The following CLYBL variants were observed in gnomAD, a reference collection of about 807,000 sequenced individuals.
CLYBL encodes the protein citramalyl-CoA lyase, also known as citramalyl-CoA lyase, mitochondrial.
In CLYBL, 31 loss-of-function variants were observed where a neutral mutation model predicts 38.9. The ratio of observed to expected loss-of-function variants is 0.80; its 90% CI spans 0.60 to 1.08. The LOEUF (loss-of-function observed/expected upper bound fraction) is 1.08, where lower values mean the gene tolerates loss of function less well. CLYBL is among the 50% of genes least tolerant of loss of function. The pLI is 0.00. For missense variants in CLYBL, 434 were observed against 411.6 expected (o/e 1.05, Z -0.47); for synonymous variants, 171 against 158.6 (o/e 1.08, Z -0.59).
intron 1 of CLYBL, among the ~76,000 whole-genome samples, chr13:99,661,669 G>T (rs1392720879): frequency 2.0e-5 from 3 of 152,120 alleles, no homozygotes; most frequent in Non-Finnish European, 4.4e-5. Context: ...TACGGAAATA[G>T]ATTTCCTTTT....
At chr13:99,750,511 CA>C (rs1378982787) in intron 1 of CLYBL, among the ~76,000 whole-genome samples, 1 of 151,636 alleles carries the variant, frequency 6.6e-6, no homozygotes, top group Non-Finnish European at 1.5e-5. Context: ...CCGTCTCTAC[CA>C]AAAATTAAAA....
chr13:99,619,438 C>A (rs1435708158), intron 1 of CLYBL, among the ~76,000 whole-genome samples: 3 of 152,196 alleles, frequency 2.0e-5, no homozygotes, highest in African/African-American at 7.2e-5. Flanking sequence ...GTGTGTAATA[C>A]TTTTTAAAAT....
At chr13:99,896,603 C>G (rs969845842), downstream of CLYBL, 1 of 152,300 alleles carries the variant, frequency 6.6e-6, no homozygotes, top group Non-Finnish European at 1.5e-5. Flanking sequence ...GCCGCGAGCC[C>G]GAGGGACGCA....
intron 1 of CLYBL, among the ~76,000 whole-genome samples, chr13:99,729,028 G>A (rs926860425): frequency 2.6e-5 from 4 of 152,212 alleles, no homozygotes; most frequent in African/African-American, 9.6e-5. Context: ...GCAGGGCCTT[G>A]CTATGGGAAC....
intron 1 of CLYBL, among the ~76,000 whole-genome samples, chr13:99,701,009 C>T (rs1040984548): frequency 6.6e-6 from 1 of 152,066 alleles, no homozygotes; most frequent in Non-Finnish European, 1.5e-5. Context: ...GACGTTGGTT[C>T]AGTGATGTTA....
At chr13:99,775,811 A>C (rs1352650047) in intron 2 of CLYBL, among the ~76,000 whole-genome samples, 4 of 151,936 alleles carry the variant, frequency 2.6e-5, no homozygotes, top group Non-Finnish European at 4.4e-5. Context: ...GCCCGGCCAA[A>C]ATTCTCTTTT....
chr13:99,739,763 C>T (rs748390175), intron 1 of CLYBL, among the ~76,000 whole-genome samples: 9 of 152,140 alleles, frequency 5.9e-5, no homozygotes, highest in Admixed American at 2.0e-4. Flanking sequence ...CACCTGAGGT[C>T]GGGAGTTCCA....
At chr13:99,760,618 T>C (rs2049147038) in intron 1 of CLYBL, among the ~76,000 whole-genome samples, 2 of 152,250 alleles carry the variant, frequency 1.3e-5, no homozygotes, top group South Asian at 4.1e-4. Context: ...TTGAATATAT[T>C]GGCCCATTGC....
chr13:99,747,866 G>A (rs776573969), intron 1 of CLYBL, among the ~76,000 whole-genome samples: 2 of 152,102 alleles, frequency 1.3e-5, no homozygotes, highest in Non-Finnish European at 2.9e-5. Context: ...TGATCAATAC[G>A]TTTTTGTTTA....
downstream of CLYBL, among the ~76,000 whole-genome samples, chr13:99,901,248 C>A (rs1236741552): frequency 6.6e-6 from 1 of 152,208 alleles, no homozygotes; most frequent in Non-Finnish European, 1.5e-5. Context: ...TCTAGTCCTG[C>A]TAGATTCTTC....
At chr13:99,611,932 A>G (rs1328246261) in intron 1 of CLYBL, among the ~76,000 whole-genome samples, 1 of 152,226 alleles carries the variant, frequency 6.6e-6, no homozygotes, top group Non-Finnish European at 1.5e-5. Flanking sequence ...CAGCTCTACA[A>G]AGGTATATAC....
chr13:99,796,939 G>A (rs901884153), intron 2 of CLYBL, among the ~76,000 whole-genome samples: 13 of 152,044 alleles, frequency 8.6e-5, no homozygotes, highest in African/African-American at 3.1e-4. Flanking sequence ...TTGTGAAGAG[G>A]GTGCCATCGT....
chr13:99,767,349 C>T (rs966964604), intron 1 of CLYBL, among the ~76,000 whole-genome samples: 1 of 152,146 alleles, frequency 6.6e-6, no homozygotes, highest in Non-Finnish European at 1.5e-5. Context: ...GTACTAAAGC[C>T]AGCTTACTTC....
chr13:99,885,100 T>A (rs1264499191), intron 7 of CLYBL: 3 of 529,834 alleles, frequency 5.7e-6, no homozygotes, highest in South Asian at 4.2e-5. Flanking sequence ...GTCCTGGGAG[T>A]CAAAGGTACG....
At chr13:99,718,534 T>C (rs993073896) in intron 1 of CLYBL, among the ~76,000 whole-genome samples, 5 of 152,116 alleles carry the variant, frequency 3.3e-5, no homozygotes, top group Non-Finnish European at 2.9e-5. Flanking sequence ...ATTCAGCATA[T>C]TTGGGCTGGT....
At chr13:99,722,906 C>G (rs972805472) in intron 1 of CLYBL, among the ~76,000 whole-genome samples, 4 of 152,244 alleles carry the variant, frequency 2.6e-5, no homozygotes, top group African/African-American at 4.8e-5. Flanking sequence ...TTTACTTCCC[C>G]CTTTCTCCCC....
chr13:99,775,325 G>C (rs1403393260), intron 2 of CLYBL, among the ~76,000 whole-genome samples: 3 of 152,142 alleles, frequency 2.0e-5, no homozygotes, highest in Admixed American at 6.5e-5. Context: ...AGTAGTAGCA[G>C]CTGTGCTACC....
intron 1 of CLYBL, among the ~76,000 whole-genome samples, chr13:99,706,205 C>T (rs2048144722): frequency 6.6e-6 from 1 of 152,200 alleles, no homozygotes; most frequent in Non-Finnish European, 1.5e-5. Flanking sequence ...GCTGGCATTA[C>T]AGGCGTGAGC....
intron 2 of CLYBL, among the ~76,000 whole-genome samples, chr13:99,799,244 C>A (rs1333584005): frequency 1.3e-5 from 2 of 152,040 alleles, no homozygotes; most frequent in African/African-American, 4.8e-5. Context: ...AGAACTTTGA[C>A]ATTTATTTAA....
Sources: allele counts gnomAD v4.1 joint callset (sites outside exome capture counted in the v4.1 genomes callset), GRCh38; gene constraint gnomAD v4.1.1; transcripts MANE v1.5; gene names NCBI Gene and HGNC (gene_info 2026-07-23, HGNC 2026-07-21).